Variants in SPATA12 observed in about 807,000 individuals in gnomAD.
SPATA12 encodes spermatogenesis associated 12, also known as spermatogenesis-associated protein 12.
For synonymous variants in SPATA12, 85 were observed against 89.2 expected (o/e 0.95, Z 0.26); for missense variants, 219 against 226.4 (o/e 0.97, Z 0.21).
intron 1 of SPATA12, among the ~76,000 whole-genome samples, chr3:57,073,146 G>C (rs1706020145): frequency 6.6e-6 from 1 of 152,172 alleles, no homozygotes. Flanking sequence ...ACCCATGCCT[G>C]TGTGAGTAAA....
intron 1 of SPATA12, among the ~76,000 whole-genome samples, chr3:57,068,168 TACACACAC>T (rs55876198): frequency 6.7e-6 from 1 of 148,980 alleles, no homozygotes; most frequent in Admixed American, 6.7e-5. Flanking sequence ...CACACACACA[TACACACAC>T]ACACACACAC....
At chr3:57,068,015 C>T (rs140849223) in intron 1 of SPATA12, among the ~76,000 whole-genome samples, 3,977 of 151,814 alleles carry the variant, frequency 0.026, 81 homozygotes, top group Non-Finnish European at 0.037. Flanking sequence ...AAACAAACAA[C>T]AACAAAAAAT....
At position 57,074,243 on chromosome 3, in the gene SPATA12, C is replaced by T; in HGVS notation, c.549C>T (p.Asn183=). Residue 183 remains asparagine (N), a synonymous_variant, in exon 2 of 2, where the codon AAC becomes AAT. Coordinates refer to ENST00000334325, the MANE Select transcript of SPATA12 (RefSeq NM_181727.2). ...FVRSLSTVYS[N]THIHTHL ...GGTCCCTCTCTACAGTATACTCCAA[C>T]ACACACATACACACACATCTGTAAT... 6.2e-7 allele frequency: 1 copy of T among 1,612,462 alleles called. No individual in the cohort carries two copies. The highest frequency in any genetic ancestry group is 8.5e-7 in the Non-Finnish European group (1 of 1,178,922).
At chr3:57,068,810 T>C (rs752385999) in intron 1 of SPATA12, among the ~76,000 whole-genome samples, 14 of 152,052 alleles carry the variant, frequency 9.2e-5, no homozygotes, top group Non-Finnish European at 1.6e-4. Context: ...TAACTTTCCA[T>C]GTGCACACAC....
chr3:57,071,373 G>A (rs1423323514), intron 1 of SPATA12, among the ~76,000 whole-genome samples: 3 of 151,962 alleles, frequency 2.0e-5, no homozygotes, highest in African/African-American at 7.2e-5. Flanking sequence ...AGAATATATA[G>A]GCATATGGCT....
chr3:57,065,860 T>C (rs1031097574), intron 1 of SPATA12, among the ~76,000 whole-genome samples: 5 of 152,102 alleles, frequency 3.3e-5, no homozygotes, highest in Non-Finnish European at 7.4e-5. Flanking sequence ...ATGCACCAAT[T>C]TGTTGCAGAT....
intron 1 of SPATA12, among the ~76,000 whole-genome samples, chr3:57,066,658 C>T (rs973755535): frequency 6.6e-6 from 1 of 152,208 alleles, no homozygotes; most frequent in Non-Finnish European, 1.5e-5. Flanking sequence ...CCATGGTAAC[C>T]AGCTATTTGG....
At chr3:57,069,405 ACACACATT>A (rs1157423549) in intron 1 of SPATA12, among the ~76,000 whole-genome samples, 4 of 151,978 alleles carry the variant, frequency 2.6e-5, no homozygotes, top group African/African-American at 9.7e-5. Context: ...ACACACACAC[ACACACATT>A]GTTTGTTTAA....
At position 57,074,202 on chromosome 3, in the gene SPATA12, G is replaced by A. The variant is rs546020376; in HGVS notation, c.508G>A (p.Glu170Lys). 5.0e-6 allele frequency: 8 copies of A among 1,614,092 alleles called. No individual in the cohort carries two copies. The South Asian group carries it at 5.5e-5, about 11-fold the overall frequency. The stretch of plus-strand genomic sequence containing the variant: ...CCGTTCAAACCAACTGACATTTACT[G>A]AGGGCTGCTTTGTCAGGTCCCTCTC... ...CSRSNQLTFT[E>K]GCFVRSLSTV... Residue 170 changes from glutamate (E) to lysine (K), a missense_variant, in exon 2 of 2, where the codon GAG becomes AAG. By Grantham distance (56) the Glu-to-Lys change is moderately conservative. Transcript: ENST00000334325.
rs528130491 is a variant in SPATA12, at chr3:57,072,748, A to C, written c.-329-618A>C. ...TGTCAAAAAAAAAAAAAAAAAGAAT[A>C]AAAATAAATAAAAACAAGCCAGGCG... On this transcript the variant is annotated intron_variant, in intron 1 of 1. Coordinates refer to ENST00000334325, the MANE Select transcript of SPATA12 (RefSeq NM_181727.2). 2.0e-5 allele frequency among the ~76,000 whole-genome samples: 3 copies of C among 150,790 alleles called. No homozygotes were observed. In the South Asian group the frequency reaches 6.3e-4, roughly 32 times the overall value.
chr3:57,070,588 C>CAGGTCTCTTTTTG (rs1705830930), intron 1 of SPATA12, among the ~76,000 whole-genome samples: 1 of 152,106 alleles, frequency 6.6e-6, no homozygotes, highest in South Asian at 2.1e-4. Flanking sequence ...GTCAAAATCT[C>CAGGTCTCTTTTTG]AGGTCTCTTT....
At chr3:57,070,439 A>T (rs1705823432) in intron 1 of SPATA12, among the ~76,000 whole-genome samples, 1 of 152,244 alleles carries the variant, frequency 6.6e-6, no homozygotes, top group African/African-American at 2.4e-5. Flanking sequence ...GATGGGTCTC[A>T]GAGTGCCTAC....
In SPATA12 at chr3:57,075,172, T is replaced by C. The variant is rs1177404808; in HGVS notation, c.*905T>C. 1 of 167,280 alleles carries C rather than the reference T, an allele frequency of 6.0e-6. No homozygotes were observed. Among genetic ancestry groups the C allele is most frequent in the Middle Eastern group, 3.4e-3 (1 of 296 alleles). 10.4% of individuals were successfully genotyped at this position (167,280 alleles called of 1,614,324 possible). On this transcript the variant is annotated 3_prime_UTR_variant, in exon 2 of 2. Coordinates refer to ENST00000334325, the MANE Select transcript of SPATA12 (RefSeq NM_181727.2). The stretch of plus-strand genomic sequence containing the variant: ...ATGCTATCTCCTCAGAAAGACCTTC[T>C]CTGACTGAAGCCAGCTCTGCCTCCA...
At chr3:57,068,272 T>A (rs1426336453) in intron 1 of SPATA12, among the ~76,000 whole-genome samples, 1 of 152,084 alleles carries the variant, frequency 6.6e-6, no homozygotes. Flanking sequence ...CACCACACAA[T>A]AAATGCTTAA....
rs765167486 is a variant in SPATA12 at position 57,074,590 on chromosome 3, T to C, written c.*323T>C. ...ATCAATCGATCAATCAATGAAAGAG[T>C]GGGAGGCATGCATCTCCTGATCCCC... On this transcript the variant is annotated 3_prime_UTR_variant, in exon 2 of 2. Coordinates refer to ENST00000334325, the MANE Select transcript of SPATA12 (RefSeq NM_181727.2). 2.4e-5 allele frequency: 7 copies of C among 288,526 alleles called. No individual in the cohort carries two copies. The highest frequency in any genetic ancestry group is 6.6e-5 in the African/African-American group (3 of 45,706). The allele number at this position is 288,526 out of a possible 1,614,324, so 17.9% of individuals were successfully genotyped here. A position where few individuals can be genotyped will look rare whatever the true frequency, so the allele number is the denominator to read the frequency against.
At chr3:57,068,745 C>A (rs1357434498) in intron 1 of SPATA12, among the ~76,000 whole-genome samples, 1 of 152,140 alleles carries the variant, frequency 6.6e-6, no homozygotes. Flanking sequence ...CAAACCTCAA[C>A]TGTGTAACGT....
chr3:57,061,775 C>T (rs1705235703), intron 1 of SPATA12, among the ~76,000 whole-genome samples: 1 of 152,186 alleles, frequency 6.6e-6, no homozygotes, highest in Non-Finnish European at 1.5e-5. Context: ...TTACTCACCA[C>T]TCTAAGAATT....
At chr3:57,072,726 CAAA>C (rs11332171) in intron 1 of SPATA12, among the ~76,000 whole-genome samples, 19 of 112,154 alleles carry the variant, frequency 1.7e-4, no homozygotes, top group Non-Finnish European at 2.5e-4. Context: ...GAGACTCTGT[CAAA>C]AAAAAAAAAA....
intron 1 of SPATA12, among the ~76,000 whole-genome samples, chr3:57,065,222 G>T (rs1295451663): frequency 1.3e-5 from 2 of 152,220 alleles, no homozygotes; most frequent in African/African-American, 2.4e-5. Flanking sequence ...AGCACTTCGG[G>T]AGGCCGAGGC....
Sources: allele counts gnomAD v4.1 joint callset (sites outside exome capture counted in the v4.1 genomes callset), GRCh38; gene constraint gnomAD v4.1.1; transcripts MANE v1.5; gene names NCBI Gene and HGNC (gene_info 2026-07-23, HGNC 2026-07-21).